ADAMTS16: variants seen among roughly 807,000 people sequenced by gnomAD.
The protein encoded by ADAMTS16 is ADAM metallopeptidase with thrombospondin type 1 motif 16, also known as A disintegrin and metalloproteinase with thrombospondin motifs 16.
Under a neutral mutation model 145.8 loss-of-function variants are expected in ADAMTS16, and 94 were observed. The observed-to-expected ratio is 0.64, with a 90% CI of 0.55 to 0.77. ADAMTS16 has a LOEUF of 0.77. Among genes scored for constraint, ADAMTS16 ranks in the 30% least tolerant of loss-of-function variants. The pLI, the probability that ADAMTS16 is intolerant of heterozygous loss-of-function variation, is 0.00. For missense variants in ADAMTS16, 1,585 were observed against 1,591.5 expected, an observed-to-expected ratio of 1.00 and a Z score of 0.07; for synonymous variants, 659 against 604.3, an observed-to-expected ratio of 1.09 and a Z score of -1.33.
At chr5:5,215,755 A>G (rs1039531234) in intron 10 of ADAMTS16, among the ~76,000 whole-genome samples, 4 of 146,120 alleles carry the variant, frequency 2.7e-5, no homozygotes, top group Non-Finnish European at 6.0e-5. Context: ...TGTGGTGTAT[A>G]TATATGTATG....
intron 16 of ADAMTS16, among the ~76,000 whole-genome samples, chr5:5,240,590 G>A (rs968532820): frequency 1.3e-5 from 2 of 152,164 alleles, no homozygotes; most frequent in African/African-American, 4.8e-5. Context: ...AAGGTTCTTG[G>A]TTCAAAAGTT....
rs146405112 is a variant in ADAMTS16 at position 5,268,636 on chromosome 5, G to A, written c.2789+5853G>A. ...CTTCCCGTCTTTGTTAATAGAAGCCGCTGCCCCATACACTGCATACATCCA... is the reference window on the plus strand; with the variant it reads ...CTTCCCGTCTTTGTTAATAGAAGCCACTGCCCCATACACTGCATACATCCA... On this transcript the variant is annotated intron_variant, in intron 18 of 22. Coordinates refer to ENST00000274181, the MANE Select transcript of ADAMTS16 (RefSeq NM_139056.4). 2.2e-3 allele frequency among the ~76,000 whole-genome samples: 337 copies of A among 152,230 alleles called. 1 individual carries two copies. The highest frequency in any genetic ancestry group is 2.7e-3 in the Non-Finnish European group (187 of 68,010).
chr5:5,242,160 G>C lies in ADAMTS16; in HGVS notation c.2631G>C (p.Val877=). The C allele has an allele frequency of 6.2e-7, 1 of 1,614,112 alleles. No individual in the cohort carries two copies. Among genetic ancestry groups the C allele is most frequent in the East Asian group, 2.2e-5 (1 of 44,862 alleles). Residue 877 remains valine, a synonymous_variant, in exon 17 of 23, where the codon GTG becomes GTC. Coordinates refer to ENST00000274181, the MANE Select transcript of ADAMTS16 (RefSeq NM_139056.4). The part of the protein sequence containing the change: ...PAQPSYTWAI[V]RSECSVSCGG... Reference sequence around the variant, plus strand: ...AGCCCAGCTACACTTGGGCCATCGTGCGCTCTGAGTGCTCCGTGTCCTGCG... The same window carrying C: ...AGCCCAGCTACACTTGGGCCATCGTCCGCTCTGAGTGCTCCGTGTCCTGCG...
chr5:5,209,179 A>C lies in ADAMTS16; in HGVS notation c.1538A>C (p.Asp513Ala). Residue 513 changes from aspartate (D) to alanine (A), a missense_variant, in exon 10 of 23, where the codon GAT becomes GCT. Around this residue, in one of 3 missense-constraint regions of ADAMTS16, gnomAD observed 298 missense variants for 367.6 expected, o/e 0.81. Coordinates refer to ENST00000274181, the MANE Select transcript of ADAMTS16 (RefSeq NM_139056.4). ...GAGAAATTGCCAGGAGAATTATATG[A>C]TGCAAACACACAGTGCAAGTGGCAG... ...YPEKLPGELY[D>A]ANTQCKWQFG... is the part of the protein sequence containing the mutation. 1 of 1,614,132 alleles carries C rather than the reference A, an allele frequency of 6.2e-7. No homozygotes were observed. Among genetic ancestry groups the C allele is most frequent in the Non-Finnish European group, 8.5e-7 (1 of 1,179,936 alleles).
chr5:5,190,964 T>G (rs1347027892), intron 7 of ADAMTS16, among the ~76,000 whole-genome samples: 1 of 145,926 alleles, frequency 6.9e-6, no homozygotes, highest in African/African-American at 2.5e-5. Context: ...TTTGGCAAAC[T>G]TTAGGCAGTG....
At chr5:5,313,805 G>A (rs139131126) in intron 21 of ADAMTS16, among the ~76,000 whole-genome samples, 3 of 152,386 alleles carry the variant, frequency 2.0e-5, no homozygotes, top group African/African-American at 7.2e-5. Context: ...CACACAGAGT[G>A]CATGGAGATC....
chr5:5,220,320 TG>T (rs1560954663), intron 10 of ADAMTS16, among the ~76,000 whole-genome samples: 49 of 149,060 alleles, frequency 3.3e-4, no homozygotes, highest in Non-Finnish European at 5.4e-4. Flanking sequence ...CCACCACGCC[TG>T]GCTAATTTTT....
In ADAMTS16 at chr5:5,164,153, G is replaced by A. The variant is rs144240681; in HGVS notation, c.501+17698G>A. Reference sequence around the variant, plus strand: ...AGGTAACCTTCAACCTATCAGTCCCGTTTTCAGCGCAGATACATTCAGTTC... The same window carrying A: ...AGGTAACCTTCAACCTATCAGTCCCATTTTCAGCGCAGATACATTCAGTTC... On this transcript the variant is annotated intron_variant, in intron 3 of 22. Coordinates refer to ENST00000274181, the MANE Select transcript of ADAMTS16 (RefSeq NM_139056.4). Among the ~76,000 whole-genome samples the A allele has an allele frequency of 5.1e-4, 78 of 152,292 alleles. 1 individual carries two copies. The highest frequency in any genetic ancestry group is 6.2e-4 in the Non-Finnish European group (42 of 68,024).
chr5:5,210,681 T>G (rs949088154), intron 10 of ADAMTS16, among the ~76,000 whole-genome samples: 6 of 152,212 alleles, frequency 3.9e-5, no homozygotes, highest in African/African-American at 1.4e-4. Context: ...TCACCATTAA[T>G]AAGTATGATG....
intron 3 of ADAMTS16, among the ~76,000 whole-genome samples, chr5:5,154,360 A>G (rs1184593296): frequency 1.3e-5 from 2 of 152,232 alleles, no homozygotes; most frequent in African/African-American, 4.8e-5. Context: ...GAAAGTGTAG[A>G]TAATTTCTTA....
At chr5:5,315,031 T>C (rs1733989039) in intron 21 of ADAMTS16, among the ~76,000 whole-genome samples, 1 of 152,236 alleles carries the variant, frequency 6.6e-6, no homozygotes, top group Non-Finnish European at 1.5e-5. Context: ...ATGGTCAATT[T>C]ATAAAAGAAA....
At chr5:5,228,914 C>A (rs1279051214) in intron 11 of ADAMTS16, among the ~76,000 whole-genome samples, 9 of 152,246 alleles carry the variant, frequency 5.9e-5, no homozygotes, top group African/African-American at 1.7e-4. Flanking sequence ...GCCTGTTCCT[C>A]TTCCTTATTT....
At position 5,227,505 on chromosome 5, in the gene ADAMTS16, C is replaced by CTG. The variant is rs55875918; in HGVS notation, c.1701+4663_1701+4664dup. 1.7e-3 allele frequency among the ~76,000 whole-genome samples: 249 copies of CTG among 148,470 alleles called. 1 individual carries two copies. Among genetic ancestry groups the CTG allele is most frequent in the South Asian group, 0.017 (75 of 4,508 alleles). On this transcript the variant is annotated intron_variant, in intron 11 of 22. Coordinates refer to ENST00000274181, the MANE Select transcript of ADAMTS16 (RefSeq NM_139056.4). The stretch of plus-strand genomic sequence containing the variant: ...TGTGTGCCTAAAATTAGATCTAATA[C>CTG]TGTGTGTGTGTGTGTGTGTGTGTGT...
intron 4 of ADAMTS16, 48 bp downstream of exon 4, chr5:5,182,353 T>C (rs775849925): frequency 2.0e-5 from 31 of 1,569,860 alleles, no homozygotes; most frequent in Non-Finnish European, 2.6e-5. Context: ...CTGACATTTA[T>C]GTAAGCTGAT....
chr5:5,174,161 G>A (rs1735124857), intron 3 of ADAMTS16, among the ~76,000 whole-genome samples: 1 of 152,010 alleles, frequency 6.6e-6, no homozygotes, highest in Non-Finnish European at 1.5e-5. Context: ...CTCAGCTTTT[G>A]TTTATCTAGA....
chr5:5,221,485 G>T (rs1484718780), intron 10 of ADAMTS16, among the ~76,000 whole-genome samples: 1 of 152,032 alleles, frequency 6.6e-6, no homozygotes, highest in Non-Finnish European at 1.5e-5. Context: ...GGATCCCAGG[G>T]GACTCGAAAG....
chr5:5,244,559 C>CCTG (rs1382733739), intron 17 of ADAMTS16, among the ~76,000 whole-genome samples: 3 of 152,248 alleles, frequency 2.0e-5, no homozygotes, highest in African/African-American at 7.2e-5. Flanking sequence ...AATACCAATG[C>CCTG]CTGGAAGCAA....
chr5:5,313,966 C>T (rs1248136914), intron 21 of ADAMTS16, among the ~76,000 whole-genome samples: 1 of 152,206 alleles, frequency 6.6e-6, no homozygotes, highest in Admixed American at 6.5e-5. Context: ...AAGAACCGGC[C>T]TGCTGCTGGA....
intron 17 of ADAMTS16, among the ~76,000 whole-genome samples, chr5:5,248,563 T>C (rs1174960412): frequency 6.6e-6 from 1 of 152,252 alleles, no homozygotes; most frequent in East Asian, 1.9e-4. Context: ...CTGTGATTTT[T>C]CTTTCTGACA....
Sources: allele counts gnomAD v4.1 joint callset (sites outside exome capture counted in the v4.1 genomes callset), GRCh38; gene constraint gnomAD v4.1.1; regional missense constraint gnomAD v4.1.1; transcripts MANE v1.5; gene names NCBI Gene and HGNC (gene_info 2026-07-23, HGNC 2026-07-21).